Variants in GSTCD observed in about 807,000 individuals in gnomAD.
GSTCD encodes glutathione S-transferase C-terminal domain containing, also known as glutathione S-transferase C-terminal domain-containing protein.
A neutral mutation model predicts 68.3 loss-of-function variants in GSTCD; 44 were observed. The ratio of observed to expected loss-of-function variants is 0.64; its 90% CI spans 0.51 to 0.83. The LOEUF (loss-of-function observed/expected upper bound fraction) is 0.83. Among genes scored for constraint, GSTCD ranks in the 40% least tolerant of loss-of-function variants. The pLI is 0.00. For missense variants in GSTCD, 739 were observed against 735.9 expected, an observed-to-expected ratio of 1.00 and a Z score of -0.05; for synonymous variants, 273 against 255.2, an observed-to-expected ratio of 1.07 and a Z score of -0.67.
chr4:105,819,626 A>G (rs1373734492), intron 5 of GSTCD, among the ~76,000 whole-genome samples: 1 of 151,814 alleles, frequency 6.6e-6, no homozygotes, highest in Non-Finnish European at 1.5e-5. Flanking sequence ...ACCATTCATC[A>G]GCTTGTCTTT....
chr4:105,790,515 C>A (rs984505887), intron 5 of GSTCD, among the ~76,000 whole-genome samples: 12 of 151,934 alleles, frequency 7.9e-5, no homozygotes, highest in African/African-American at 2.9e-4. Context: ...AGTGGTAATG[C>A]CTGTAGCCCC....
At chr4:105,830,743 T>G (rs1723858740) in intron 8 of GSTCD, among the ~76,000 whole-genome samples, 1 of 152,036 alleles carries the variant, frequency 6.6e-6, no homozygotes, top group Admixed American at 6.6e-5. Flanking sequence ...TGTAGAGCAT[T>G]TTACAGAGCT....
At chr4:105,841,281 G>C (rs1724327044) in intron 10 of GSTCD, among the ~76,000 whole-genome samples, 1 of 151,224 alleles carries the variant, frequency 6.6e-6, no homozygotes, top group African/African-American at 2.4e-5. Flanking sequence ...CCGAGATTGT[G>C]CCACTGCACT....
chr4:105,837,054 T>C (rs1273645694), intron 9 of GSTCD, among the ~76,000 whole-genome samples: 2 of 152,224 alleles, frequency 1.3e-5, no homozygotes, highest in Non-Finnish European at 2.9e-5. Context: ...TGTTTATCTT[T>C]ATTAGCTGTG....
chr4:105,763,590 A>C (rs1490447436), intron 5 of GSTCD, among the ~76,000 whole-genome samples: 1 of 152,216 alleles, frequency 6.6e-6, no homozygotes, highest in Non-Finnish European at 1.5e-5. Context: ...TTATGTGTCC[A>C]CAAGCAACAG....
rs547790953 is a variant in GSTCD at position 105,825,254 on chromosome 4, C to T, written c.1402-418C>T. 2.6e-4 allele frequency among the ~76,000 whole-genome samples: 39 copies of T among 152,044 alleles called. No individual in the cohort carries two copies. The South Asian group carries it at 3.8e-3, about 15-fold the overall frequency. On this transcript the variant is annotated intron_variant, in intron 7 of 11. Coordinates refer to ENST00000515279, the MANE Select transcript of GSTCD (RefSeq NM_001370181.1). Reference sequence around the variant, plus strand: ...AAGGGATTCTCCTGCCTCTGCCTCCCGAATAACTGGGACTACAGATGCACA... The same window carrying T: ...AAGGGATTCTCCTGCCTCTGCCTCCTGAATAACTGGGACTACAGATGCACA...
chr4:105,748,123 T>C (rs1388734648), intron 5 of GSTCD, among the ~76,000 whole-genome samples: 1 of 151,912 alleles, frequency 6.6e-6, no homozygotes, highest in African/African-American at 2.4e-5. Context: ...TGCGTGGTGG[T>C]ACGTGCCTGT....
intron 5 of GSTCD, among the ~76,000 whole-genome samples, chr4:105,791,272 A>G (rs1735658349): frequency 6.6e-6 from 1 of 151,658 alleles, no homozygotes; most frequent in Admixed American, 6.6e-5. Flanking sequence ...GGGCGCCTGT[A>G]GTCCCAGCTA....
rs764022530 is a variant in GSTCD, at chr4:105,845,542, C to A, written c.1867C>A (p.Pro623Thr). ...ATCCATGGAGCCAGAGAGCTGCTCT[C>A]CCAAAAATAACATGATTGTGGGAGT... ...VISMEPESCS[P>T]KNNMIVGVPI The change falls in exon 12 of 12, where the codon CCC becomes ACC. Residue 623 changes from proline (P) to threonine (T), a missense_variant. Coordinates refer to ENST00000515279, the MANE Select transcript of GSTCD (RefSeq NM_001370181.1). 1.2e-6 allele frequency: 2 copies of A among 1,614,024 alleles called. No homozygotes were observed. The highest frequency in any genetic ancestry group is 1.7e-6 in the Non-Finnish European group (2 of 1,179,974).
At chr4:105,714,149 A>T (rs1204052000) in intron 1 of GSTCD, among the ~76,000 whole-genome samples, 1 of 152,126 alleles carries the variant, frequency 6.6e-6, no homozygotes, top group Non-Finnish European at 1.5e-5. Context: ...TTACCCATTT[A>T]TTCATTCGGC....
At chr4:105,822,516 G>A (rs1022612910) in intron 5 of GSTCD, among the ~76,000 whole-genome samples, 1 of 152,084 alleles carries the variant, frequency 6.6e-6, no homozygotes, top group African/African-American at 2.4e-5. Context: ...ATTAAGCAAT[G>A]TGTTGAAATT....
rs1260178437 is a variant in GSTCD, at chr4:105,820,407, T to C, written c.1241-2547T>C. 4 of 151,898 alleles carry C rather than the reference T, an allele frequency of 2.6e-5. No individual in the cohort carries two copies. In the South Asian group the frequency reaches 8.3e-4, roughly 31 times the overall value. The allele number at this position is 151,898 out of a possible 1,614,324, so 9.4% of individuals were successfully genotyped here. ...TTTCCGTGACACTAGAGATCCATCA[T>C]TTTTAGTCAAGCTAAAAATAGATTG... On this transcript the variant is annotated intron_variant, in intron 5 of 11. Coordinates refer to ENST00000515279, the MANE Select transcript of GSTCD (RefSeq NM_001370181.1).
intron 5 of GSTCD, among the ~76,000 whole-genome samples, chr4:105,772,503 T>A (rs1271710090): frequency 3.3e-5 from 5 of 152,200 alleles, no homozygotes; most frequent in Non-Finnish European, 7.3e-5. Flanking sequence ...TTGTCATAAA[T>A]AGCTCTTATT....
chr4:105,711,017 C>T (rs1040823291), intron 1 of GSTCD: 6 of 152,016 alleles, frequency 3.9e-5, no homozygotes, highest in African/African-American at 7.2e-5. Context: ...TTTTTCTTAT[C>T]GTTTTTGACC....
At chr4:105,712,746 G>A (rs1732573895) in intron 1 of GSTCD, 1 of 152,162 alleles carries the variant, frequency 6.6e-6, no homozygotes, top group Non-Finnish European at 1.5e-5. Flanking sequence ...GGGTATGAGA[G>A]AGAGAAAAAA....
chr4:105,762,374 G>A lies in GSTCD; in HGVS notation c.1240+32875G>A, dbSNP rs191799864. Among the ~76,000 whole-genome samples the A allele has an allele frequency of 3.8e-3, 585 of 152,256 alleles. 2 individuals are homozygous for A. The highest frequency in any genetic ancestry group is 0.013 in the African/African-American group (556 of 41,548). ...CAAACAAAACTATAGTTTATTTGGA[G>A]TCAGTTATTTGTTCTGGGTTAATTA... On this transcript the variant is annotated intron_variant, in intron 5 of 11. Transcript: ENST00000515279.
At chr4:105,715,182 G>T (rs1732646775) in intron 1 of GSTCD, among the ~76,000 whole-genome samples, 1 of 152,020 alleles carries the variant, frequency 6.6e-6, no homozygotes, top group Non-Finnish European at 1.5e-5. Context: ...TGGAAAGTGT[G>T]GTTGGTCCTT....
At chr4:105,806,946 G>T (rs1014527430) in intron 5 of GSTCD, among the ~76,000 whole-genome samples, 5 of 151,928 alleles carry the variant, frequency 3.3e-5, no homozygotes, top group Admixed American at 3.3e-4. Context: ...AAATTCTAAG[G>T]TGACTTTCAC....
At chr4:105,763,787 C>T (rs959792761) in intron 5 of GSTCD, among the ~76,000 whole-genome samples, 1 of 152,200 alleles carries the variant, frequency 6.6e-6, no homozygotes, top group Non-Finnish European at 1.5e-5. Flanking sequence ...TTTCTGAACA[C>T]GTTTCTCTCA....
Sources: allele counts gnomAD v4.1 joint callset (sites outside exome capture counted in the v4.1 genomes callset), GRCh38; gene constraint gnomAD v4.1.1; transcripts MANE v1.5; gene names NCBI Gene and HGNC (gene_info 2026-07-23, HGNC 2026-07-21).